Variants in NT5C2 observed in about 807,000 individuals in gnomAD.
The protein encoded by NT5C2 is 5'-nucleotidase, cytosolic II.
NT5C2 carries 58 observed loss-of-function variants against 76.1 expected under a neutral mutation model. The ratio of observed to expected loss-of-function variants is 0.76; its 90% CI spans 0.62 to 0.95. NT5C2 has a LOEUF of 0.95. NT5C2 is among the 40% of genes least tolerant of loss of function. The pLI is 0.00. For synonymous variants in NT5C2, 229 were observed against 237.4 expected (o/e 0.96, Z 0.32); for missense variants, 478 against 690.3 (o/e 0.69, Z 3.45).
At chr10:103,111,408 G>A (rs529236518) in intron 4 of NT5C2, among the ~76,000 whole-genome samples, 2 of 152,286 alleles carry the variant, frequency 1.3e-5, no homozygotes, top group South Asian at 4.1e-4. Context: ...CCAACGCTTT[G>A]AAAGTTGAAG....
chr10:103,109,121 A>C (rs1321014709), intron 4 of NT5C2, among the ~76,000 whole-genome samples: 3 of 152,116 alleles, frequency 2.0e-5, no homozygotes, highest in Non-Finnish European at 4.4e-5. Flanking sequence ...AAGTGCTGCT[A>C]TTACAGGCTG....
chr10:103,121,782 A>C (rs528049886), intron 4 of NT5C2, among the ~76,000 whole-genome samples: 3 of 152,340 alleles, frequency 2.0e-5, no homozygotes, highest in Admixed American at 2.0e-4. Flanking sequence ...ATGGCCTAGA[A>C]AGGAGGGGAG....
At chr10:103,100,299 T>C (rs1027353264) in intron 8 of NT5C2, among the ~76,000 whole-genome samples, 1 of 152,198 alleles carries the variant, frequency 6.6e-6, no homozygotes, top group Non-Finnish European at 1.5e-5. Context: ...GTTTTTTTAT[T>C]TATCACTTTT....
intron 3 of NT5C2, among the ~76,000 whole-genome samples, chr10:103,144,738 T>C (rs1208820391): frequency 6.6e-6 from 1 of 152,330 alleles, no homozygotes; most frequent in South Asian, 2.1e-4. Flanking sequence ...ACAAAGCAGA[T>C]ACCATTTTGT....
chr10:103,142,500 G>A (rs981350466), intron 3 of NT5C2, among the ~76,000 whole-genome samples: 1 of 151,726 alleles, frequency 6.6e-6, no homozygotes, highest in Non-Finnish European at 1.5e-5. Context: ...GCAAAACCCC[G>A]TCTCCACAAA....
intron 4 of NT5C2, chr10:103,125,296 TAAAAA>T: frequency 2.9e-5 from 13 of 448,764 alleles, no homozygotes; most frequent in East Asian, 5.2e-5. Flanking sequence ...TTGTCACAGT[TAAAAA>T]AAAAAAAAAA....
At position 103,088,197 on chromosome 10, in the gene NT5C2, A is replaced by G. The variant is rs1218095222; in HGVS notation, c.*1475T>C. ...TATTGAATTCTGGAGCAGCTAATCT[A>G]CCCTCCCCTATTGACCAATGACAAG... On this transcript the variant is annotated 3_prime_UTR_variant, in exon 19 of 19. Coordinates refer to ENST00000404739, the MANE Select transcript of NT5C2 (RefSeq NM_001351169.2). The G allele has an allele frequency of 2.6e-5, 4 of 152,170 alleles. No individual in the cohort carries two copies. Among genetic ancestry groups the G allele is most frequent in the Non-Finnish European group, 5.9e-5 (4 of 68,038 alleles). The allele number at this position is 152,170 out of a possible 1,614,324, so 9.4% of individuals were successfully genotyped here.
chr10:103,160,031 A>AG (rs2084434166), intron 3 of NT5C2, among the ~76,000 whole-genome samples: 1 of 152,210 alleles, frequency 6.6e-6, no homozygotes, highest in Non-Finnish European at 1.5e-5. Flanking sequence ...ACTGTGTGCT[A>AG]CTGGCATAAG....
chr10:103,148,969 A>G (rs1361456174), intron 3 of NT5C2, among the ~76,000 whole-genome samples: 2 of 152,210 alleles, frequency 1.3e-5, no homozygotes, highest in Non-Finnish European at 2.9e-5. Flanking sequence ...AGGGAGAAAT[A>G]TATCTACAAC....
chr10:103,176,320 T>C (rs962078351), intron 2 of NT5C2, among the ~76,000 whole-genome samples: 1 of 152,142 alleles, frequency 6.6e-6, no homozygotes, highest in Non-Finnish European at 1.5e-5. Flanking sequence ...AGGTCACTGA[T>C]GTAAAATGCT....
intron 4 of NT5C2, among the ~76,000 whole-genome samples, chr10:103,113,295 TAGA>T (rs1030478243): frequency 2.0e-5 from 3 of 151,850 alleles, no homozygotes; most frequent in Admixed American, 6.6e-5. Flanking sequence ...CTAAGAATAT[TAGA>T]AGAATATTTT....
intron 3 of NT5C2, among the ~76,000 whole-genome samples, chr10:103,147,008 T>A (rs142107825): frequency 6.6e-6 from 1 of 152,382 alleles, no homozygotes; most frequent in Non-Finnish European, 1.5e-5. Flanking sequence ...TTTTGTTTGT[T>A]GAATGTAGTA....
intron 6 of NT5C2, among the ~76,000 whole-genome samples, chr10:103,104,510 C>T (rs997958610): frequency 9.9e-5 from 15 of 152,186 alleles, no homozygotes; most frequent in African/African-American, 3.1e-4. Context: ...GTAATTACTT[C>T]ATATTCTAAA....
chr10:103,097,860 C>G (rs904890592), intron 10 of NT5C2: 1 of 367,062 alleles, frequency 2.7e-6, no homozygotes, highest in Non-Finnish European at 5.2e-6. Context: ...CCCACACCCA[C>G]GTGCGCTTAA....
chr10:103,132,338 G>T (rs1402743938), intron 4 of NT5C2, among the ~76,000 whole-genome samples: 1 of 151,886 alleles, frequency 6.6e-6, no homozygotes, highest in Admixed American at 6.6e-5. Flanking sequence ...AATGCAATAT[G>T]CGATTCGGGA....
intron 11 of NT5C2, among the ~76,000 whole-genome samples, chr10:103,097,038 CA>C (rs2068386767): frequency 6.6e-6 from 1 of 151,920 alleles, no homozygotes; most frequent in South Asian, 2.1e-4. Context: ...TTAATCTTTA[CA>C]AATGTTTTAA....
chr10:103,098,841 G>T, intron 10 of NT5C2, 90 bp downstream of exon 10: 1 of 910,042 alleles, frequency 1.1e-6, no homozygotes, highest in Non-Finnish European at 1.7e-6. Flanking sequence ...CTCTTCTTTT[G>T]TCCATTTCAT....
chr10:103,114,388 G>A (rs2073855304), intron 4 of NT5C2, among the ~76,000 whole-genome samples: 1 of 152,024 alleles, frequency 6.6e-6, no homozygotes. Flanking sequence ...CAGCCTGGGT[G>A]ACAGAGCGAG....
intron 1 of NT5C2, 111 bp downstream of exon 1, chr10:103,193,125 G>A: frequency 6.6e-6 from 1 of 151,886 alleles, no homozygotes; most frequent in East Asian, 1.9e-4. Flanking sequence ...CGGGGGCGGG[G>A]GCAGGCGGCG....
Sources: gnomAD v4.1 joint callset for allele counts (sites outside exome capture counted in the v4.1 genomes callset) on GRCh38, gnomAD v4.1.1 for gene constraint, MANE v1.5 for transcripts, NCBI Gene and HGNC (gene_info 2026-07-23, HGNC 2026-07-21) for gene names.